RNF2: variants seen among roughly 807,000 people sequenced by gnomAD.
The protein encoded by RNF2 is ring finger protein 2.
RNF2 carries 6 observed loss-of-function variants against 37.2 expected under a neutral mutation model. The observed-to-expected ratio is 0.16, with a 90% CI of 0.09 to 0.32. The LOEUF is 0.32. Among genes scored for constraint, RNF2 ranks in the 10% least tolerant of loss-of-function variants. RNF2 has a pLI of 1.00. For missense variants in RNF2, 251 were observed against 404.0 expected (o/e 0.62, Z 3.25); for synonymous variants, 133 against 132.7 (o/e 1.00, Z -0.02).
intron 1 of RNF2, among the ~76,000 whole-genome samples, chr1:185,077,726 T>C (rs984702817): frequency 6.6e-6 from 1 of 151,786 alleles, no homozygotes; most frequent in African/African-American, 2.4e-5. Context: ...TTTTTTTTTT[T>C]TGGGCTGTTG....
At chr1:185,090,656 G>A (rs1470318564) in intron 2 of RNF2, among the ~76,000 whole-genome samples, 1 of 152,192 alleles carries the variant, frequency 6.6e-6, no homozygotes, top group East Asian at 1.9e-4. Context: ...AAGCACGGGA[G>A]CGTATTGAAA....
chr1:185,054,528 A>T (rs1019651701), intron 1 of RNF2, among the ~76,000 whole-genome samples: 1 of 151,764 alleles, frequency 6.6e-6, no homozygotes, highest in African/African-American at 2.4e-5. Context: ...GCTCTTCTCC[A>T]TTACGAGCGC....
chr1:185,075,984 A>G (rs1447443266), intron 1 of RNF2, among the ~76,000 whole-genome samples: 5 of 152,130 alleles, frequency 3.3e-5, no homozygotes, highest in African/African-American at 1.2e-4. Flanking sequence ...TTTATTGGTT[A>G]TGTATTGTGT....
At chr1:185,050,521 T>G (rs1461230829) in intron 1 of RNF2, among the ~76,000 whole-genome samples, 2 of 152,244 alleles carry the variant, frequency 1.3e-5, no homozygotes, top group African/African-American at 4.8e-5. Context: ...TTCATCTAGA[T>G]TATAAAGACC....
At chr1:185,085,235 G>A (rs1483192299) in intron 1 of RNF2, among the ~76,000 whole-genome samples, 3 of 133,208 alleles carry the variant, frequency 2.3e-5, no homozygotes, top group Non-Finnish European at 3.1e-5. Context: ...TGCAAGCTCC[G>A]CCTCCCGGGT....
At chr1:185,066,203 T>C (rs80168233) in intron 1 of RNF2, among the ~76,000 whole-genome samples, 2,018 of 152,334 alleles carry the variant, frequency 0.013, 35 homozygotes, top group African/African-American at 0.046. Flanking sequence ...GTCATTGCAC[T>C]GTGGATCTTT....
chr1:185,100,054 G>A, intron 6 of RNF2, 92 bp downstream of exon 6: 2 of 1,300,158 alleles, frequency 1.5e-6, no homozygotes, highest in Non-Finnish European at 2.1e-6. Context: ...AATAAATAAT[G>A]TAAAAAACCG....
chr1:185,093,873 A>G (rs1035184472), intron 4 of RNF2, among the ~76,000 whole-genome samples: 4 of 152,124 alleles, frequency 2.6e-5, no homozygotes, highest in African/African-American at 9.7e-5. Context: ...TTCTCTTTTC[A>G]ATACAAAATC....
At chr1:185,070,879 G>A (rs375161113) in intron 1 of RNF2, among the ~76,000 whole-genome samples, 163 of 151,982 alleles carry the variant, frequency 1.1e-3, no homozygotes, top group East Asian at 7.9e-3. Context: ...CTCGTGATCC[G>A]CCCGCCTCGG....
chr1:185,098,024 A>G (rs772136635), intron 4 of RNF2, 48 bp from the exon 5 acceptor site: 43 of 1,589,306 alleles, frequency 2.7e-5, no homozygotes, highest in Non-Finnish European at 3.4e-6. Flanking sequence ...TTGTTGCTTT[A>G]AAGGCCTAAA....
chr1:185,072,499 G>C (rs1348255044), intron 1 of RNF2, among the ~76,000 whole-genome samples: 1 of 152,030 alleles, frequency 6.6e-6, no homozygotes, highest in Admixed American at 6.6e-5. Context: ...AGAATTACAA[G>C]GTTAGAATTT....
intron 3 of RNF2, among the ~76,000 whole-genome samples, chr1:185,092,646 A>G (rs1651802025): frequency 6.6e-6 from 1 of 152,138 alleles, no homozygotes; most frequent in South Asian, 2.1e-4. Flanking sequence ...TTTCCACTTA[A>G]GTATATAAAA....
chr1:185,077,669 A>T (rs1571312776), intron 1 of RNF2, among the ~76,000 whole-genome samples: 1 of 111,504 alleles, frequency 9.0e-6, no homozygotes. Flanking sequence ...TATTGGCTGT[A>T]CCTGACAACT....
chr1:185,053,316 C>T (rs866986744), intron 1 of RNF2, among the ~76,000 whole-genome samples: 18 of 151,678 alleles, frequency 1.2e-4, no homozygotes, highest in African/African-American at 4.1e-4. Context: ...TCTCACTTTG[C>T]TTCATTTTCC....
intron 1 of RNF2, among the ~76,000 whole-genome samples, chr1:185,081,385 A>G (rs900061785): frequency 7.4e-6 from 1 of 134,334 alleles, no homozygotes; most frequent in Admixed American, 8.1e-5. Context: ...ACTGTAGCCT[A>G]ATTCCATCAA....
In RNF2 at chr1:185,100,282, C is replaced by G; in HGVS notation, c.992C>G (p.Pro331Arg). The G allele has an allele frequency of 6.2e-7, 1 of 1,609,544 alleles. No homozygotes were observed. Among genetic ancestry groups the G allele is most frequent in the Non-Finnish European group, 8.5e-7 (1 of 1,178,308 alleles). Residue 331 changes from proline (P) to arginine (R), a missense_variant, in exon 7 of 7, where the codon CCT becomes CGT. Physicochemically the swap from Pro to Arg is moderately radical, Grantham distance 103. This residue lies in a region of RNF2 where 59 missense variants were observed against 69.1 expected (regional missense o/e 0.85). Transcript: ENST00000367510. Reference sequence around the variant, plus strand: ...AAACCCATGGAACTTTATTACGCACCTACAAAGGAGCACAAATGAGCCTTT... The same window carrying G: ...AAACCCATGGAACTTTATTACGCACGTACAAAGGAGCACAAATGAGCCTTT... ...VNKPMELYYA[P>R]TKEHK
chr1:185,058,966 G>C (rs1481081320), intron 1 of RNF2, among the ~76,000 whole-genome samples: 1 of 152,100 alleles, frequency 6.6e-6, no homozygotes, highest in African/African-American at 2.4e-5. Flanking sequence ...TAAATATTGT[G>C]CTAATTTTAG....
At chr1:185,098,481 T>C (rs1651978809) in intron 5 of RNF2, 137 bp downstream of exon 5, 1 of 1,039,696 alleles carries the variant, frequency 9.6e-7, no homozygotes, top group African/African-American at 1.6e-5. Flanking sequence ...GCTGCCTAGA[T>C]TGTTGTTTTC....
intron 1 of RNF2, among the ~76,000 whole-genome samples, chr1:185,062,627 T>C (rs1378863003): frequency 2.6e-5 from 4 of 151,916 alleles, no homozygotes. Context: ...GAAAAGTACA[T>C]TAAAAATATA....
Sources: allele counts gnomAD v4.1 joint callset (sites outside exome capture counted in the v4.1 genomes callset), GRCh38; gene constraint gnomAD v4.1.1; regional missense constraint gnomAD v4.1.1; transcripts MANE v1.5; gene names NCBI Gene and HGNC (gene_info 2026-07-23, HGNC 2026-07-21).